NIN: variants seen among roughly 807,000 people sequenced by gnomAD.
NIN encodes ninein, also known as glycogen synthase kinase 3 beta-interacting protein.
Under a neutral mutation model 257.6 loss-of-function variants are expected in NIN, and 137 were observed. The ratio of observed to expected loss-of-function variants is 0.53; its 90% CI spans 0.46 to 0.61. The LOEUF (loss-of-function observed/expected upper bound fraction) is 0.61. Among genes scored for constraint, NIN ranks in the 20% least tolerant of loss-of-function variants. The pLI is 0.00. For missense variants in NIN, 2,439 were observed against 2,501.2 expected, an observed-to-expected ratio of 0.98 and a Z score of 0.53; for synonymous variants, 918 against 919.8, an observed-to-expected ratio of 1.00 and a Z score of 0.04.
At position 50,755,670 on chromosome 14, in the gene NIN, TTTTTTTTTA is replaced by T. The variant is rs1260589563; in HGVS notation, c.4539-812_4539-804del. On this transcript the variant is annotated intron_variant, in intron 18 of 30. Transcript: ENST00000530997. ...TCTCTTTTTTTTTTTTTTTTTTTTT[TTTTTTTTTA>T]AAAGAGACAGGGTCTCACTCTGTCA... 3.8e-3 allele frequency among the ~76,000 whole-genome samples: 303 copies of T among 80,126 alleles called. 4 individuals carry two copies. The highest frequency in any genetic ancestry group is 6.6e-3 in the Non-Finnish European group (256 of 38,712). 52.6% of individuals were successfully genotyped at this position (80,126 alleles called of 152,430 possible).
intron 28 of NIN, among the ~76,000 whole-genome samples, chr14:50,734,529 C>A (rs1249462349): frequency 1.3e-5 from 2 of 152,178 alleles, no homozygotes; most frequent in Admixed American, 6.5e-5. Flanking sequence ...TAACTAATTT[C>A]ATTTACCCAA....
At chr14:50,783,223 AT>A (rs34366314) in intron 5 of NIN, among the ~76,000 whole-genome samples, 142,020 of 144,432 alleles carry the variant, frequency 0.98, 69,842 homozygotes, top group East Asian at 1. Flanking sequence ...TCATTTTTGT[AT>A]TTTTTTTTTT....
At chr14:50,726,311 CT>C (rs1566771595) in intron 29 of NIN, 2 of 419,932 alleles carry the variant, frequency 4.8e-6, no homozygotes, top group Non-Finnish European at 8.6e-6. Context: ...CATCATCCCC[CT>C]GATATAAAGC....
chr14:50,746,488 T>C (rs2041547279), intron 22 of NIN, among the ~76,000 whole-genome samples: 1 of 152,206 alleles, frequency 6.6e-6, no homozygotes, highest in Non-Finnish European at 1.5e-5. Flanking sequence ...TATAATGCTA[T>C]TAAAAAAGCA....
chr14:50,758,297 C>T lies in NIN; in HGVS notation c.2733G>A (p.Glu911=). The stretch of plus-strand genomic sequence containing the variant: ...CCAGGTCTTGGAGTAGCTGCTGTCT[C>T]TCGACGACCATGCTGTTCAAATGTT... The part of the protein sequence containing the change: ...YKEHLNSMVV[E]RQQLLQDLED... Residue 911 remains glutamate (E), a synonymous_variant, in exon 18 of 31, where the codon GAG becomes GAA. Transcript: ENST00000530997. 1 of 1,614,258 alleles carries T rather than the reference C, an allele frequency of 6.2e-7. No individual in the cohort carries two copies. Among genetic ancestry groups the T allele is most frequent in the South Asian group, 1.1e-5 (1 of 91,090 alleles).
chr14:50,767,274 A>G (rs1365162060), intron 12 of NIN, among the ~76,000 whole-genome samples: 1 of 152,198 alleles, frequency 6.6e-6, no homozygotes, highest in African/African-American at 2.4e-5. Flanking sequence ...TGTCAAAATG[A>G]TAATGTTTTA....
chr14:50,738,694 G>A lies in NIN; in HGVS notation c.5629-408C>T, dbSNP rs529379058. Among the ~76,000 whole-genome samples, 7 of 152,250 alleles carry A rather than the reference G, an allele frequency of 4.6e-5. No homozygotes were observed. In the East Asian group the frequency reaches 7.7e-4, roughly 17 times the overall value. On this transcript the variant is annotated intron_variant, in intron 26 of 30. Coordinates refer to ENST00000530997, the MANE Select transcript of NIN (RefSeq NM_020921.4). ...CTATTCACATCTAAAACAGTTCTAC[G>A]AAGACATGAACCATGTCTGTCTTGC... is the stretch of plus-strand genomic sequence containing the variant.
In NIN at chr14:50,752,841, T is replaced by TTAAAATATA. The variant is rs375391985; in HGVS notation, c.4735-117_4735-109dup. ...TGTCTTTTCCCTCTTTATATAAAGTTTAAAATATATATATATTTCAAAACA... is the reference window on the plus strand; with the variant it reads ...TGTCTTTTCCCTCTTTATATAAAGTTTAAAATATATAAAATATATATATATTTCAAAACA... On this transcript the variant is annotated intron_variant, in intron 20 of 30. Transcript: ENST00000530997. 17 of 582,844 alleles carry TTAAAATATA rather than the reference T, an allele frequency of 2.9e-5. 1 individual carries two copies. The highest frequency in any genetic ancestry group is 1.7e-4 in the African/African-American group (9 of 52,616). 36.1% of individuals were successfully genotyped at this position (582,844 alleles called of 1,614,324 possible).
intron 5 of NIN, among the ~76,000 whole-genome samples, chr14:50,781,642 G>A (rs1445246405): frequency 6.6e-6 from 1 of 152,206 alleles, no homozygotes. Flanking sequence ...GAGGCAGAGT[G>A]CCTGGTGCTG....
At chr14:50,816,709 C>G (rs1300268946) in intron 3 of NIN, among the ~76,000 whole-genome samples, 1 of 152,110 alleles carries the variant, frequency 6.6e-6, no homozygotes, top group Non-Finnish European at 1.5e-5. Context: ...AGACAGGAAG[C>G]TACTCATAAA....
intron 28 of NIN, among the ~76,000 whole-genome samples, chr14:50,733,641 C>A (rs1457577154): frequency 6.6e-6 from 1 of 152,162 alleles, no homozygotes; most frequent in Non-Finnish European, 1.5e-5. Context: ...AGGAGAAGAA[C>A]TGGTCTCTTG....
intron 4 of NIN, among the ~76,000 whole-genome samples, chr14:50,799,269 G>C (rs1192653333): frequency 6.6e-6 from 1 of 152,130 alleles, no homozygotes; most frequent in South Asian, 2.1e-4. Context: ...AACAATAGGC[G>C]CTTCATGGAG....
chr14:50,725,243 C>T (rs566020334), intron 30 of NIN, among the ~76,000 whole-genome samples: 1 of 152,114 alleles, frequency 6.6e-6, no homozygotes. Flanking sequence ...TTCTGCCCCC[C>T]ACCCCACATG....
chr14:50,786,981 C>G (rs925559327), intron 5 of NIN, among the ~76,000 whole-genome samples: 1 of 152,052 alleles, frequency 6.6e-6, no homozygotes, highest in Non-Finnish European at 1.5e-5. Flanking sequence ...TTTTTTTAAG[C>G]TTTTTAACAA....
rs2040259810 is a variant in NIN at position 50,720,995 on chromosome 14, C to A, written c.*2468G>T. On this transcript the variant is annotated 3_prime_UTR_variant, in exon 31 of 31. Transcript: ENST00000530997. The stretch of plus-strand genomic sequence containing the variant: ...AAGAATGCTATTGTAAAGTTTGAAA[C>A]AAGATCTAAACATTTTTAAGTTTAC... The A allele has an allele frequency of 5.2e-6, 1 of 191,022 alleles. No individual in the cohort carries two copies. 11.8% of individuals were successfully genotyped at this position (191,022 alleles called of 1,614,324 possible).
intron 14 of NIN, among the ~76,000 whole-genome samples, chr14:50,764,789 A>G (rs1252007106): frequency 6.6e-6 from 1 of 152,092 alleles, no homozygotes; most frequent in Non-Finnish European, 1.5e-5. Flanking sequence ...AAAGTACACT[A>G]ATAATTGCCT....
chr14:50,755,421 AAATT>A (rs2041975697), intron 18 of NIN, among the ~76,000 whole-genome samples: 1 of 151,950 alleles, frequency 6.6e-6, no homozygotes, highest in South Asian at 2.1e-4. Context: ...ATTCAGAATT[AAATT>A]ATTTCAGAGA....
At chr14:50,791,912 A>G (rs2043613711) in intron 5 of NIN, 1 of 152,072 alleles carries the variant, frequency 6.6e-6, no homozygotes, top group South Asian at 2.1e-4. Context: ...TTATATTAGT[A>G]TCTGAAATAT....
rs574173053 is a variant in NIN, at chr14:50,720,603, C to T, written c.*2860G>A. The T allele has an allele frequency of 4.8e-6, 1 of 207,062 alleles. No homozygotes were observed. The highest frequency in any genetic ancestry group is 1.9e-4 in the South Asian group (1 of 5,308). 12.8% of individuals were successfully genotyped at this position (207,062 alleles called of 1,614,324 possible). On this transcript the variant is annotated 3_prime_UTR_variant, in exon 31 of 31. Transcript: ENST00000530997. The stretch of plus-strand genomic sequence containing the variant: ...CTAAATATGCAATGCATTGAAATTT[C>T]TGGGAAGAATTCACATTTAAAACAG...
Sources: allele counts gnomAD v4.1 joint callset (sites outside exome capture counted in the v4.1 genomes callset), GRCh38; gene constraint gnomAD v4.1.1; transcripts MANE v1.5; gene names NCBI Gene and HGNC (gene_info 2026-07-23, HGNC 2026-07-21).